ATG7: variants seen among roughly 807,000 people sequenced by gnomAD.
ATG7 encodes autophagy related 7, also known as ubiquitin-like modifier-activating enzyme ATG7.
In ATG7, 70 loss-of-function variants were observed where a neutral mutation model predicts 82.4. The ratio of observed to expected loss-of-function variants is 0.85; its 90% CI spans 0.70 to 1.04. ATG7 has a LOEUF of 1.04. Ranked by LOEUF, ATG7 falls within the 50% of genes least tolerant of loss-of-function variation. The pLI, the probability that ATG7 is intolerant of heterozygous loss-of-function variation, is 0.00. For missense variants in ATG7, 792 were observed against 864.3 expected, an observed-to-expected ratio of 0.92 and a Z score of 1.05; for synonymous variants, 287 against 313.0, an observed-to-expected ratio of 0.92 and a Z score of 0.88.
chr3:11,374,996 G>T (rs1036166328), intron 18 of ATG7, among the ~76,000 whole-genome samples: 1 of 148,176 alleles, frequency 6.7e-6, no homozygotes, highest in African/African-American at 2.5e-5. Context: ...TGAGCCCTGA[G>T]TCCAAGACCA....
At chr3:11,554,604 G>A (rs532717776) in intron 20 of ATG7, among the ~76,000 whole-genome samples, 1 of 152,332 alleles carries the variant, frequency 6.6e-6, no homozygotes, top group East Asian at 1.9e-4. Flanking sequence ...TCCCCTGTTG[G>A]TTCCACCAGG....
intron 19 of ATG7, among the ~76,000 whole-genome samples, chr3:11,391,780 CTT>C (rs1439097472): frequency 6.6e-6 from 1 of 152,156 alleles, no homozygotes; most frequent in Non-Finnish European, 1.5e-5. Context: ...TTTCCAGTGT[CTT>C]ATGAATTGGC....
At chr3:11,454,546 G>C (rs897787969) in intron 20 of ATG7, among the ~76,000 whole-genome samples, 4 of 152,202 alleles carry the variant, frequency 2.6e-5, no homozygotes, top group African/African-American at 9.7e-5. Flanking sequence ...CAAGAGGATG[G>C]TCATGGTATT....
chr3:11,568,929 C>A, the ATG7 span: 3 of 1,249,250 alleles, frequency 2.4e-6, no homozygotes, highest in Non-Finnish European at 3.0e-6. The surrounding 1 kb of genome is among the most constrained non-coding windows in gnomAD (Gnocchi z 5.9). Flanking sequence ...GGCACTTCCA[C>A]TGCCAGCTGC....
chr3:11,525,567 T>C (rs34313590), intron 20 of ATG7, among the ~76,000 whole-genome samples: 5 of 150,276 alleles, frequency 3.3e-5, no homozygotes, highest in Non-Finnish European at 7.4e-5. Flanking sequence ...TTTTTTTTTT[T>C]TTTTTTAAAC....
At chr3:11,417,299 T>C (rs548856308) in intron 19 of ATG7, among the ~76,000 whole-genome samples, 2 of 152,336 alleles carry the variant, frequency 1.3e-5, no homozygotes, top group Admixed American at 6.5e-5. Flanking sequence ...AAAAGTAGAT[T>C]CGTCTATTTC....
intron 18 of ATG7, among the ~76,000 whole-genome samples, chr3:11,370,518 C>T (rs1037955214): frequency 1.3e-5 from 2 of 151,122 alleles, no homozygotes; most frequent in Admixed American, 6.6e-5. Flanking sequence ...TTTATTTATG[C>T]GAACTCCAAG....
At position 11,555,054 on chromosome 3, in the gene ATG7, C is replaced by CTTGGCCTTGGCCTTGCTA. The variant is rs1244142031; in HGVS notation, c.*215_*232dup. 1 of 577,186 alleles carries CTTGGCCTTGGCCTTGCTA rather than the reference C, an allele frequency of 1.7e-6. No homozygotes were observed. The highest frequency in any genetic ancestry group is 3.0e-6 in the Non-Finnish European group (1 of 338,050). The allele number at this position is 577,186 out of a possible 1,614,324, so 35.8% of individuals were successfully genotyped here. ...CACCAGTTCAGAGCTAAATAATAAC[C>CTTGGCCTTGGCCTTGCTA]TTGGCCTTGGCCTTGCTATTGACCT... On this transcript the variant is annotated 3_prime_UTR_variant, in exon 21 of 21. Coordinates refer to ENST00000693202, the MANE Select transcript of ATG7 (RefSeq NM_001349232.2).
intron 1 of ATG7, chr3:11,277,310 G>T (rs73011792): frequency 0.011 from 1,643 of 152,416 alleles, 15 homozygotes; most frequent in South Asian, 0.032. Context: ...GGCTCTTCAT[G>T]ATATGGCCTT....
intron 19 of ATG7, 92 bp downstream of exon 19, chr3:11,380,144 C>T (rs2152847533): frequency 2.5e-6 from 3 of 1,212,414 alleles, no homozygotes; most frequent in South Asian, 1.2e-5. Flanking sequence ...TTGAAACCAA[C>T]TAAGGGCTTT....
chr3:11,376,686 A>G (rs2077439114), intron 18 of ATG7, among the ~76,000 whole-genome samples: 1 of 152,240 alleles, frequency 6.6e-6, no homozygotes, highest in Admixed American at 6.5e-5. Flanking sequence ...GGTTGGGCCC[A>G]GAGCAGAGGG....
At position 11,473,922 on chromosome 3, in the gene ATG7, G is replaced by T. The variant is rs145575744; in HGVS notation, c.2079+46996G>T. Among the ~76,000 whole-genome samples, 104 of 152,264 alleles carry T rather than the reference G, an allele frequency of 6.8e-4. 1 individual carries two copies. The highest frequency in any genetic ancestry group is 2.5e-3 in the African/African-American group (102 of 41,540). On this transcript the variant is annotated intron_variant, in intron 20 of 20. Coordinates refer to ENST00000693202, the MANE Select transcript of ATG7 (RefSeq NM_001349232.2). ...TTCTGTGCATACGTTCAAACCTCAGGTCCCCTGCTTTGTAGATCCCGTGAA... is the reference window on the plus strand; with the variant it reads ...TTCTGTGCATACGTTCAAACCTCAGTTCCCCTGCTTTGTAGATCCCGTGAA...
At chr3:11,401,087 A>G (rs534531365) in intron 19 of ATG7, among the ~76,000 whole-genome samples, 1 of 152,354 alleles carries the variant, frequency 6.6e-6, no homozygotes, top group South Asian at 2.1e-4. Context: ...CACCAGCAGC[A>G]TCAGTGCCAT....
chr3:11,474,939 C>T (rs1272492435), intron 20 of ATG7, among the ~76,000 whole-genome samples: 2 of 151,784 alleles, frequency 1.3e-5, no homozygotes, highest in Non-Finnish European at 2.9e-5. Flanking sequence ...GTGAGGTTGG[C>T]AATAGAGGGA....
At chr3:11,275,859 A>T (rs1941663612) in intron 1 of ATG7, among the ~76,000 whole-genome samples, 1 of 152,004 alleles carries the variant, frequency 6.6e-6, no homozygotes, top group African/African-American at 2.4e-5. Flanking sequence ...ATTTCCTCAC[A>T]CCTTCATCCC....
chr3:11,312,080 C>A (rs1056132107), intron 7 of ATG7, among the ~76,000 whole-genome samples: 1 of 151,426 alleles, frequency 6.6e-6, no homozygotes, highest in African/African-American at 2.4e-5. Context: ...TGAAAATATT[C>A]TGGAATTAAT....
intron 20 of ATG7, among the ~76,000 whole-genome samples, chr3:11,489,677 T>C (rs1204958876): frequency 6.8e-6 from 1 of 147,378 alleles, no homozygotes; most frequent in Non-Finnish European, 1.5e-5. Flanking sequence ...GTATGTTGTG[T>C]CTTTGTTCTC....
At chr3:11,310,597 C>T (rs1398185153) in intron 7 of ATG7, among the ~76,000 whole-genome samples, 1 of 150,574 alleles carries the variant, frequency 6.6e-6, no homozygotes, top group African/African-American at 2.4e-5. Context: ...CTCAGTTTGG[C>T]ATTAATAATC....
chr3:11,461,772 AT>A lies in ATG7; in HGVS notation c.2079+34847del, dbSNP rs1278831031. 5.9e-5 allele frequency among the ~76,000 whole-genome samples: 9 copies of A among 152,162 alleles called. No homozygotes were observed. The East Asian group carries it at 1.7e-3, about 29-fold the overall frequency. On this transcript the variant is annotated intron_variant, in intron 20 of 20. Transcript: ENST00000693202. The stretch of plus-strand genomic sequence containing the variant: ...CCGGGCGCAGTGGCTCACACCTGTA[AT>A]CCCAGCACTTTGGGAGGCCGAAGCG...
Sources: allele counts gnomAD v4.1 joint callset (sites outside exome capture counted in the v4.1 genomes callset), GRCh38; gene constraint gnomAD v4.1.1; non-coding constraint Gnocchi (gnomAD v3.1); transcripts MANE v1.5; gene names NCBI Gene and HGNC (gene_info 2026-07-23, HGNC 2026-07-21).